The following ABCB5 variants were observed in gnomAD, a reference collection of about 807,000 sequenced individuals.
The protein encoded by ABCB5 is ATP-binding cassette sub-family B member 5.
A neutral mutation model predicts 144.2 loss-of-function variants in ABCB5; 155 were observed. That is an observed-to-expected ratio of 1.08 (90% CI 0.94 to 1.23). ABCB5 has a LOEUF of 1.23. ABCB5 is among the 50% of genes most tolerant of loss of function. The pLI, the probability that ABCB5 is intolerant of heterozygous loss-of-function variation, is 0.00. For missense variants in ABCB5, 1,830 were observed against 1,520.8 expected, an observed-to-expected ratio of 1.20 and a Z score of -3.38; for synonymous variants, 610 against 528.6, an observed-to-expected ratio of 1.15 and a Z score of -2.11.
At chr7:20,712,158 CAA>C (rs34938819) in intron 20 of ABCB5, among the ~76,000 whole-genome samples, 22 of 52,644 alleles carry the variant, frequency 4.2e-4, no homozygotes, top group African/African-American at 5.7e-4. Flanking sequence ...AAGACGCCGT[CAA>C]AAAAAAAAAA....
Position 20,698,689 on chromosome 7 carries a change from G to A in ABCB5, c.2154+139G>A, listed in dbSNP as rs116169760. ...GCCCCTAGTGTGGAGTCCGTGATAG[G>A]AAGGTTAATTAATGTTCCCAGGAGA... On this transcript the variant is annotated intron_variant, in intron 17 of 27. Transcript: ENST00000404938. The A allele has an allele frequency of 6.0e-3, 4,300 of 721,980 alleles. 152 individuals carry two copies. In the African/African-American group the frequency reaches 0.073, roughly 12 times the overall value. The allele number at this position is 721,980 out of a possible 1,614,324, so 44.7% of individuals were successfully genotyped here.
intron 16 of ABCB5, among the ~76,000 whole-genome samples, chr7:20,689,744 G>A (rs1283134964): frequency 6.6e-6 from 1 of 152,186 alleles, no homozygotes; most frequent in East Asian, 1.9e-4. Flanking sequence ...ACCTCCTCCT[G>A]CAATGTCTTT....
intron 20 of ABCB5, among the ~76,000 whole-genome samples, chr7:20,710,830 C>T (rs1787002562): frequency 6.7e-6 from 1 of 149,968 alleles, no homozygotes; most frequent in African/African-American, 2.5e-5. Context: ...CTCTTTATTC[C>T]ATATGTTCTT....
At chr7:20,692,010 T>G (rs1344022544) in intron 16 of ABCB5, among the ~76,000 whole-genome samples, 1 of 152,128 alleles carries the variant, frequency 6.6e-6, no homozygotes, top group East Asian at 1.9e-4. Flanking sequence ...GTAGAGACAT[T>G]AAGCATTTAT....
At chr7:20,740,938 C>T (rs767865787) in intron 24 of ABCB5, among the ~76,000 whole-genome samples, 1 of 151,764 alleles carries the variant, frequency 6.6e-6, no homozygotes, top group Non-Finnish European at 1.5e-5. Flanking sequence ...AAAGCCCCAT[C>T]GCTAACAAAA....
At chr7:20,708,359 C>A (rs1336712305) in intron 20 of ABCB5, among the ~76,000 whole-genome samples, 2 of 152,070 alleles carry the variant, frequency 1.3e-5, no homozygotes, top group African/African-American at 4.8e-5. Context: ...AGTTTTCAAG[C>A]AAGGTGCAGT....
intron 16 of ABCB5, among the ~76,000 whole-genome samples, chr7:20,686,347 C>T (rs1236495572): frequency 6.6e-6 from 1 of 152,162 alleles, no homozygotes; most frequent in East Asian, 1.9e-4. Context: ...CCAGGCTCTG[C>T]CTGAGCCCCA....
intron 5 of ABCB5, among the ~76,000 whole-genome samples, chr7:20,636,658 A>T (rs111343887): frequency 3.3e-5 from 5 of 151,578 alleles, no homozygotes; most frequent in African/African-American, 1.2e-4. Context: ...GGTGGTGGGC[A>T]CCTGTAGTCC....
intron 23 of ABCB5, among the ~76,000 whole-genome samples, chr7:20,732,391 T>A (rs1782249360): frequency 6.6e-6 from 1 of 152,234 alleles, no homozygotes; most frequent in Non-Finnish European, 1.5e-5. Flanking sequence ...TTCTATGAAA[T>A]TATATTTTGT....
At position 20,681,633 on chromosome 7, in the gene ABCB5, A is replaced by C; in HGVS notation, c.1836A>C (p.Lys612Asn). ...EKGAHAELMA[K>N]RGLYYSLVMS... is the part of the protein sequence containing the mutation. ...GAGCACATGCTGAACTAATGGCAAA[A>C]CGAGGTCTATATTATTCACTTGTGA... is the stretch of plus-strand genomic sequence containing the variant. Residue 612 changes from lysine to asparagine, a missense_variant, in exon 15 of 28, where the codon AAA becomes AAC. Transcript: ENST00000404938. 1.9e-6 allele frequency: 3 copies of C among 1,614,158 alleles called. No individual in the cohort carries two copies. Among genetic ancestry groups the C allele is most frequent in the Non-Finnish European group, 2.5e-6 (3 of 1,180,012 alleles).
chr7:20,631,379 G>C (rs1395336819), intron 4 of ABCB5, among the ~76,000 whole-genome samples: 1 of 152,022 alleles, frequency 6.6e-6, no homozygotes, highest in Non-Finnish European at 1.5e-5. Flanking sequence ...TGATGTTATG[G>C]TTATAACAGA....
intron 16 of ABCB5, among the ~76,000 whole-genome samples, chr7:20,688,629 C>A (rs548134982): frequency 0.038 from 5,764 of 152,134 alleles, 129 homozygotes; most frequent in Middle Eastern, 0.061. Flanking sequence ...GTATATACCC[C>A]AAGGATTATA....
At chr7:20,630,112 G>A (rs1361818337) in intron 4 of ABCB5, among the ~76,000 whole-genome samples, 1 of 152,092 alleles carries the variant, frequency 6.6e-6, no homozygotes, top group East Asian at 1.9e-4. Flanking sequence ...ATTTTCCTAT[G>A]CACTGATGTA....
chr7:20,716,029 T>C (rs563922824), intron 20 of ABCB5, among the ~76,000 whole-genome samples: 1 of 152,216 alleles, frequency 6.6e-6, no homozygotes, highest in South Asian at 2.1e-4. Context: ...CCAGCTGAAC[T>C]ATAATCTTTA....
chr7:20,731,369 A>ATAAT (rs1554289436), intron 23 of ABCB5, among the ~76,000 whole-genome samples: 1 of 123,104 alleles, frequency 8.1e-6, no homozygotes, highest in Non-Finnish European at 1.6e-5. Context: ...AAAAAAAAAA[A>ATAAT]ATATATATAT....
chr7:20,628,706 C>A lies in ABCB5; in HGVS notation c.127C>A (p.Leu43Met). ...SIEIFRFADG[L>M]DITLMILGIL... ...TCCTCAGTTCCGCTTTGCTGATGGA[C>A]TGGACATCACACTCATGATCCTGGG... Residue 43 changes from leucine (L) to methionine (M), a missense_variant, in exon 4 of 28, where the codon CTG becomes ATG. By Grantham distance (15) the Leu-to-Met change is conservative (BLOSUM62 2). Transcript: ENST00000404938. 3 of 1,613,050 alleles carry A rather than the reference C, an allele frequency of 1.9e-6. No individual in the cohort carries two copies. The highest frequency in any genetic ancestry group is 2.5e-6 in the Non-Finnish European group (3 of 1,179,516).
chr7:20,678,647 A>AC (rs200467943), intron 14 of ABCB5, among the ~76,000 whole-genome samples: 4,914 of 152,258 alleles, frequency 0.032, 290 homozygotes, highest in African/African-American at 0.11. Flanking sequence ...AACAAAAAAA[A>AC]ACACATTACC....
intron 17 of ABCB5, among the ~76,000 whole-genome samples, chr7:20,699,009 G>C (rs1786518058): frequency 6.6e-6 from 1 of 152,174 alleles, no homozygotes; most frequent in Non-Finnish European, 1.5e-5. Flanking sequence ...ACTCTTCAAT[G>C]TTAACTAAAG....
chr7:20,636,705 A>T (rs960445337), intron 5 of ABCB5, among the ~76,000 whole-genome samples: 4 of 150,934 alleles, frequency 2.7e-5, no homozygotes, highest in African/African-American at 9.8e-5. Context: ...GAATCACCTG[A>T]ACCTGGGAGT....
Sources: allele counts gnomAD v4.1 joint callset (sites outside exome capture counted in the v4.1 genomes callset), GRCh38; gene constraint gnomAD v4.1.1; transcripts MANE v1.5; gene names NCBI Gene and HGNC (gene_info 2026-07-23, HGNC 2026-07-21).